The following LOC400499 variants were observed in gnomAD, a reference collection of about 807,000 sequenced individuals.
At chr16:11,483,072 C>T in the LOC400499 span, among the ~76,000 whole-genome samples, 1 of 152,120 alleles carries the variant, frequency 6.6e-6, no homozygotes. Flanking sequence ...TTATCAATGT[C>T]ATTAGTCATT....
the LOC400499 span, among the ~76,000 whole-genome samples, chr16:11,476,610 T>C: frequency 1.3e-5 from 2 of 151,974 alleles, no homozygotes; most frequent in South Asian, 4.1e-4. Context: ...CACACATGCA[T>C]GCTAATGTCA....
At chr16:11,478,791 C>A in the LOC400499 span, 4 of 397,848 alleles carry the variant, frequency 1.0e-5, 1 homozygote, top group Non-Finnish European at 1.8e-5. Context: ...TCCCATAATT[C>A]CCACATGCTG....
the LOC400499 span, chr16:11,390,243 T>C: frequency 2.4e-6 from 3 of 1,232,590 alleles, no homozygotes; most frequent in Non-Finnish European, 3.0e-6. Flanking sequence ...TCAGTCATCC[T>C]CACCTGCCAA....
At chr16:11,502,437 G>A in the LOC400499 span, among the ~76,000 whole-genome samples, 2 of 152,182 alleles carry the variant, frequency 1.3e-5, no homozygotes, top group Non-Finnish European at 2.9e-5. Flanking sequence ...CACCTACTAT[G>A]TGCCTTGCAT....
At chr16:11,505,289 A>G in the LOC400499 span, among the ~76,000 whole-genome samples, 1 of 152,126 alleles carries the variant, frequency 6.6e-6, no homozygotes, top group Non-Finnish European at 1.5e-5. Context: ...ACGTCATGTC[A>G]TATTTCCACC....
At chr16:11,465,050 C>T in the LOC400499 span, among the ~76,000 whole-genome samples, 1 of 152,226 alleles carries the variant, frequency 6.6e-6, no homozygotes. Context: ...GCTTCAGATG[C>T]TCCACTCCAG....
the LOC400499 span, among the ~76,000 whole-genome samples, chr16:11,436,395 G>A: frequency 6.6e-6 from 1 of 152,048 alleles, no homozygotes; most frequent in Non-Finnish European, 1.5e-5. Context: ...TCCCAACAAG[G>A]GTGCTGAAGG....
the LOC400499 span, chr16:11,384,069 C>A: frequency 8.1e-7 from 1 of 1,231,508 alleles, no homozygotes. Context: ...CCCGCGTACA[C>A]TGGCCTCAGC....
the LOC400499 span, chr16:11,404,913 G>T: frequency 2.5e-5 from 10 of 398,794 alleles, no homozygotes; most frequent in East Asian, 3.2e-4. Flanking sequence ...CCATGCTTCT[G>T]CCTGGGATGG....
the LOC400499 span, among the ~76,000 whole-genome samples, chr16:11,488,428 T>C: frequency 6.6e-6 from 1 of 152,200 alleles, no homozygotes; most frequent in Non-Finnish European, 1.5e-5. Context: ...TTTGTTTGTT[T>C]TGTTTTTTTT....
chr16:11,477,374 C>A, the LOC400499 span, among the ~76,000 whole-genome samples: 2 of 152,226 alleles, frequency 1.3e-5, no homozygotes, highest in East Asian at 1.9e-4. Context: ...CAGAATCGGA[C>A]CAAATATTGC....
the LOC400499 span, among the ~76,000 whole-genome samples, chr16:11,461,875 T>G: frequency 6.6e-6 from 1 of 152,232 alleles, no homozygotes; most frequent in Non-Finnish European, 1.5e-5. Flanking sequence ...GTCAAAATGT[T>G]ACAAGTGTTT....
At chr16:11,387,784 C>T in the LOC400499 span, among the ~76,000 whole-genome samples, 2 of 152,100 alleles carry the variant, frequency 1.3e-5, no homozygotes, top group Non-Finnish European at 2.9e-5. Context: ...CCGCAACACC[C>T]GGCTAATTTT....
At chr16:11,408,910 T>C in the LOC400499 span, among the ~76,000 whole-genome samples, 10 of 152,050 alleles carry the variant, frequency 6.6e-5, no homozygotes, top group Non-Finnish European at 1.2e-4. Flanking sequence ...AAATCTAGTA[T>C]GTGGGTATGC....
the LOC400499 span, among the ~76,000 whole-genome samples, chr16:11,463,377 T>C: frequency 1.3e-5 from 2 of 149,542 alleles, no homozygotes; most frequent in Non-Finnish European, 3.0e-5. Context: ...CAGATGTGTG[T>C]GCGGATGTGT....
chr16:11,412,269 C>T, the LOC400499 span, among the ~76,000 whole-genome samples: 261 of 152,320 alleles, frequency 1.7e-3, no homozygotes, highest in African/African-American at 6.0e-3. Flanking sequence ...TCCTGGCCTT[C>T]ACAGTCGTGG....
At chr16:11,424,122 T>C in the LOC400499 span, 1 of 399,258 alleles carries the variant, frequency 2.5e-6, no homozygotes, top group Non-Finnish European at 4.4e-6. Context: ...GAAGTGCCCG[T>C]GGCCATCTAA....
At chr16:11,489,641 C>T in the LOC400499 span, among the ~76,000 whole-genome samples, 1 of 152,144 alleles carries the variant, frequency 6.6e-6, no homozygotes, top group African/African-American at 2.4e-5. Context: ...AAGGTGCCCA[C>T]TTATTCCCAC....
the LOC400499 span, chr16:11,484,833 G>A: frequency 1.8e-5 from 7 of 398,926 alleles, no homozygotes; most frequent in East Asian, 1.8e-4. Context: ...ATGAAGCGGG[G>A]TGGGCCTGCC....
Sources: allele counts gnomAD v4.1 joint callset (sites outside exome capture counted in the v4.1 genomes callset), GRCh38; gene constraint gnomAD v4.1.1; transcripts MANE v1.5.